TPO: variants seen among roughly 807,000 people sequenced by gnomAD.
The protein encoded by TPO is thyroid microsomal antigen.
TPO carries 78 observed loss-of-function variants against 96.9 expected under a neutral mutation model. That is an observed-to-expected ratio of 0.81 (90% CI 0.67 to 0.97). TPO has a LOEUF of 0.97. TPO is among the 50% of genes least tolerant of loss of function. The pLI, the probability that TPO is intolerant of heterozygous loss-of-function variation, is 0.00. For synonymous variants in TPO, 547 were observed against 538.0 expected, an observed-to-expected ratio of 1.02 and a Z score of -0.23; for missense variants, 1,252 against 1,274.8, an observed-to-expected ratio of 0.98 and a Z score of 0.27.
At chr2:1,427,253 G>A (rs758474717) in intron 3 of TPO, among the ~76,000 whole-genome samples, 14 of 152,230 alleles carry the variant, frequency 9.2e-5, no homozygotes, top group African/African-American at 1.4e-4. Flanking sequence ...TGAGCTTGCC[G>A]GCCCAGGCTC....
intron 13 of TPO, among the ~76,000 whole-genome samples, chr2:1,501,244 C>G (rs1367825358): frequency 1.3e-5 from 2 of 152,270 alleles, no homozygotes; most frequent in Non-Finnish European, 2.9e-5. Flanking sequence ...TGCGCACTCA[C>G]TGCGCGTGGA....
At position 1,428,484 on chromosome 2, in the gene TPO, C is replaced by T. The variant is rs182273077; in HGVS notation, c.180-4954C>T. On this transcript the variant is annotated intron_variant, in intron 3 of 16. Transcript: ENST00000329066. The stretch of plus-strand genomic sequence containing the variant: ...GGGCAGCATGGCCTGGGGACCTATC[C>T]GGGGGATCCACTGGGTGATACCCTC... 3.8e-3 allele frequency among the ~76,000 whole-genome samples: 579 copies of T among 152,248 alleles called. 8 individuals are homozygous for T. The highest frequency in any genetic ancestry group is 2.9e-3 in the Non-Finnish European group (198 of 67,998).
rs547007937 is a variant in TPO at position 1,438,011 on chromosome 2, C to G, written c.482+1627C>G. Reference sequence around the variant, plus strand: ...GGATGCACGGCTGGAGGGACCAGGCCTGGATGGAGGAGGGGATGGGGCTGG... The same window carrying G: ...GGATGCACGGCTGGAGGGACCAGGCGTGGATGGAGGAGGGGATGGGGCTGG... On this transcript the variant is annotated intron_variant, in intron 5 of 16. Coordinates refer to ENST00000329066, the MANE Select transcript of TPO (RefSeq NM_001206744.2). Among the ~76,000 whole-genome samples, 330 of 151,968 alleles carry G rather than the reference C, an allele frequency of 2.2e-3. 1 individual carries two copies. The highest frequency in any genetic ancestry group is 3.9e-3 in the Non-Finnish European group (264 of 67,940).
At chr2:1,406,264 G>C (rs1416263805) in intron 1 of TPO, among the ~76,000 whole-genome samples, 1 of 152,238 alleles carries the variant, frequency 6.6e-6, no homozygotes, top group Non-Finnish European at 1.5e-5. Flanking sequence ...ATTCTAATGT[G>C]TATAGATGCT....
In TPO at chr2:1,484,721, C is replaced by G. The variant is rs202005839; in HGVS notation, c.1464C>G (p.Ala488=). The G allele has an allele frequency of 5.0e-6, 8 of 1,614,034 alleles. No homozygotes were observed. In the South Asian group the frequency reaches 5.5e-5, roughly 11 times the overall value. ...NPTVSNVFST[A]AFRFGHATIH... is the part of the protein sequence containing the mutation. ...CTGTGTCCAACGTGTTCTCCACAGC[C>G]GCCTTCCGCTTCGGCCATGCCACGA... The change falls in exon 9 of 17, where the codon GCC becomes GCG. Residue 488 remains alanine, a synonymous_variant. Transcript: ENST00000329066.
chr2:1,434,252 C>T (rs1394130922), intron 4 of TPO, among the ~76,000 whole-genome samples: 1 of 152,180 alleles, frequency 6.6e-6, no homozygotes, highest in Non-Finnish European at 1.5e-5. Context: ...AGCAAGTAAG[C>T]GAAATGTCTT....
chr2:1,396,628 A>G (rs1662083946), intron 1 of TPO, among the ~76,000 whole-genome samples: 1 of 152,222 alleles, frequency 6.6e-6, no homozygotes, highest in African/African-American at 2.4e-5. Context: ...TCTTTCCCTC[A>G]GATGCGTGAG....
chr2:1,509,232 T>A (rs1012255890), intron 14 of TPO, among the ~76,000 whole-genome samples: 1 of 152,250 alleles, frequency 6.6e-6, no homozygotes, highest in Non-Finnish European at 1.5e-5. Flanking sequence ...CTAGTTTGAT[T>A]GCACTGTGGT....
intron 2 of TPO, among the ~76,000 whole-genome samples, chr2:1,422,299 A>G (rs1206707414): frequency 1.7e-5 from 1 of 60,424 alleles, no homozygotes; most frequent in Non-Finnish European, 3.5e-5. Context: ...AAGACCCCGC[A>G]GGCGCCTCTC....
Position 1,542,549 on chromosome 2 carries a change from C to T in TPO, c.*75C>T, listed in dbSNP as rs1350985590. On this transcript the variant is annotated 3_prime_UTR_variant, in exon 17 of 17. Transcript: ENST00000329066. Reference sequence around the variant, plus strand: ...CGTACGACTCTTTTCCAAACACAGGCAAATCCGAAATCAGCAGGACGACTG... The same window carrying T: ...CGTACGACTCTTTTCCAAACACAGGTAAATCCGAAATCAGCAGGACGACTG... The T allele has an allele frequency of 6.2e-7, 1 of 1,601,822 alleles. No homozygotes were observed. The highest frequency in any genetic ancestry group is 1.7e-5 in the Admixed American group (1 of 57,776).
At chr2:1,482,126 C>G (rs564415965) in intron 8 of TPO, among the ~76,000 whole-genome samples, 17 of 152,340 alleles carry the variant, frequency 1.1e-4, no homozygotes, top group Admixed American at 1.1e-3. Flanking sequence ...ACTTTGAAAG[C>G]AGTCGAGAGT....
intron 1 of TPO, among the ~76,000 whole-genome samples, chr2:1,401,891 T>TA (rs1305872438): frequency 6.6e-6 from 1 of 152,086 alleles, no homozygotes; most frequent in Admixed American, 6.6e-5. Context: ...TCCAAGGGTA[T>TA]AGGTTAGGAG....
upstream of TPO, among the ~76,000 whole-genome samples, chr2:1,411,781 C>T (rs2148391158): frequency 6.6e-6 from 1 of 152,312 alleles, no homozygotes; most frequent in East Asian, 1.9e-4. Context: ...TTCCCCCTTT[C>T]TCCCCTCAGA....
intron 3 of TPO, among the ~76,000 whole-genome samples, chr2:1,425,501 C>T (rs898206073): frequency 2.0e-5 from 3 of 151,782 alleles, no homozygotes; most frequent in African/African-American, 4.8e-5. Context: ...AGTCCGTACT[C>T]CTTCTGTAAA....
At chr2:1,476,314 G>T (rs1669929837) in intron 7 of TPO, among the ~76,000 whole-genome samples, 1 of 152,218 alleles carries the variant, frequency 6.6e-6, no homozygotes, top group Non-Finnish European at 1.5e-5. Context: ...CACCTCACCA[G>T]GGAGGAAGAG....
intron 7 of TPO, among the ~76,000 whole-genome samples, chr2:1,470,773 G>T (rs1240929651): frequency 6.6e-6 from 1 of 152,126 alleles, no homozygotes; most frequent in African/African-American, 2.4e-5. Context: ...ACTTCAGTTA[G>T]AAATTTGAAA....
At chr2:1,407,059 A>G (rs769469496) in intron 1 of TPO, among the ~76,000 whole-genome samples, 7 of 152,226 alleles carry the variant, frequency 4.6e-5, no homozygotes, top group Non-Finnish European at 1.0e-4. Flanking sequence ...TGAGCAATGT[A>G]AGTATTGTGA....
chr2:1,440,150 A>C (rs62105617), intron 5 of TPO, among the ~76,000 whole-genome samples: 156 of 99,268 alleles, frequency 1.6e-3, no homozygotes, highest in African/African-American at 6.3e-3. Flanking sequence ...TGCGTTTCCA[A>C]TGTGCTGCGT....
intron 10 of TPO, among the ~76,000 whole-genome samples, chr2:1,492,901 TGAG>T: frequency 6.6e-6 from 1 of 151,926 alleles, no homozygotes; most frequent in Middle Eastern, 3.4e-3. Context: ...CGCCCATCCT[TGAG>T]GAGGGAGCAC....
Sources: gnomAD v4.1 joint callset for allele counts (sites outside exome capture counted in the v4.1 genomes callset) on GRCh38, gnomAD v4.1.1 for gene constraint, MANE v1.5 for transcripts, NCBI Gene and HGNC (gene_info 2026-07-23, HGNC 2026-07-21) for gene names.